The following SLCO1A2 variants were observed in gnomAD, a reference collection of about 807,000 sequenced individuals.
The protein encoded by SLCO1A2 is OATP-1.
SLCO1A2 carries 67 observed loss-of-function variants against 69.0 expected under a neutral mutation model. The observed-to-expected ratio is 0.97, with a 90% CI of 0.80 to 1.19. SLCO1A2 has a LOEUF of 1.19. SLCO1A2 is among the 50% of genes most tolerant of loss of function. The probability of loss-of-function intolerance (pLI) is 0.00; values close to 1 mark genes in which losing one functional copy is unlikely to be tolerated. For synonymous variants in SLCO1A2, 260 were observed against 265.9 expected, an observed-to-expected ratio of 0.98 and a Z score of 0.22; for missense variants, 787 against 793.7, an observed-to-expected ratio of 0.99 and a Z score of 0.10.
chr12:21,353,465 G>A (rs1438947185), intron 2 of SLCO1A2, among the ~76,000 whole-genome samples: 1 of 150,500 alleles, frequency 6.6e-6, no homozygotes, highest in East Asian at 1.9e-4. Context: ...TTTTGGGATG[G>A]TGCTCAGAAA....
At chr12:21,309,011 GAGATAATGCATTCTTGA>G (rs1949776539) in intron 4 of SLCO1A2, among the ~76,000 whole-genome samples, 1 of 152,202 alleles carries the variant, frequency 6.6e-6, no homozygotes, top group African/African-American at 2.4e-5. Flanking sequence ...TAGATGGGAA[GAGATAATGCATTCTTGA>G]AAGAATAGTA....
intron 1 of SLCO1A2, among the ~76,000 whole-genome samples, chr12:21,381,495 T>G (rs776832241): frequency 1.3e-5 from 2 of 152,044 alleles, no homozygotes; most frequent in African/African-American, 2.4e-5. Flanking sequence ...AGAATGTCCA[T>G]TATTAAAAAG....
intron 9 of SLCO1A2, 37 bp downstream of exon 9, chr12:21,297,367 G>T (rs200786761): frequency 2.6e-6 from 4 of 1,560,212 alleles, no homozygotes; most frequent in East Asian, 2.3e-5. Context: ...TCGTGGGGGG[G>T]AAAGTGTGCT....
chr12:21,407,896 C>T (rs1941848004), intron 1 of SLCO1A2, among the ~76,000 whole-genome samples: 2 of 151,654 alleles, frequency 1.3e-5, no homozygotes, highest in Admixed American at 6.6e-5. Context: ...AGAGCCAAAT[C>T]GCTACTGCAA....
chr12:21,409,457 A>G (rs143217179), intron 1 of SLCO1A2, among the ~76,000 whole-genome samples: 31 of 152,270 alleles, frequency 2.0e-4, no homozygotes, highest in African/African-American at 7.5e-4. Flanking sequence ...TTTCACAAAT[A>G]CAAGGTAGAT....
intron 2 of SLCO1A2, among the ~76,000 whole-genome samples, chr12:21,365,278 C>G (rs1486866927): frequency 6.6e-6 from 1 of 151,992 alleles, no homozygotes; most frequent in Non-Finnish European, 1.5e-5. Flanking sequence ...ACAAACCTGA[C>G]AAAAACAAGA....
At chr12:21,367,604 T>G (rs1235588105) in intron 2 of SLCO1A2, among the ~76,000 whole-genome samples, 1 of 152,010 alleles carries the variant, frequency 6.6e-6, no homozygotes, top group African/African-American at 2.4e-5. Flanking sequence ...GAGGCAAATG[T>G]TAATTAGAAG....
chr12:21,389,217 T>C (rs1252062130), intron 1 of SLCO1A2, among the ~76,000 whole-genome samples: 1 of 152,198 alleles, frequency 6.6e-6, no homozygotes, highest in Non-Finnish European at 1.5e-5. Context: ...AATTTACTTG[T>C]CAAAAATAGT....
In SLCO1A2 at chr12:21,301,257, G is replaced by T; in HGVS notation, c.602C>A (p.Thr201Lys). 1 of 1,609,806 alleles carries T rather than the reference G, an allele frequency of 6.2e-7. No individual in the cohort carries two copies. Among genetic ancestry groups the T allele is most frequent in the Non-Finnish European group, 8.5e-7 (1 of 1,177,568 alleles). ...AATCAAAGGACCAATAATAGCTCCT[G>T]TTTCTACAAGCCCTAAAAATAAATA... is the stretch of plus-strand genomic sequence containing the variant. ...NSPLYIGLVE[T>K]GAIIGPLIGL... The change falls in exon 7 of 15, where the codon ACA becomes AAA. Residue 201 changes from threonine to lysine, a missense_variant. Coordinates refer to ENST00000683939, the MANE Select transcript of SLCO1A2 (RefSeq NM_001386879.1).
At chr12:21,406,701 A>G (rs1328308616) in intron 1 of SLCO1A2, among the ~76,000 whole-genome samples, 1 of 152,166 alleles carries the variant, frequency 6.6e-6, no homozygotes, top group Non-Finnish European at 1.5e-5. Context: ...ATCATCCCCA[A>G]GATTTCACAG....
chr12:21,418,215 AGC>A (rs1942019195), upstream of SLCO1A2, among the ~76,000 whole-genome samples: 1 of 152,206 alleles, frequency 6.6e-6, no homozygotes, highest in Non-Finnish European at 1.5e-5. Context: ...TATCAATAGA[AGC>A]AGAAGAAAAT....
At chr12:21,419,224 G>A (rs1029827578), upstream of SLCO1A2, 6 of 156,268 alleles carry the variant, frequency 3.8e-5, no homozygotes, top group South Asian at 2.0e-4. Flanking sequence ...CCCCAAGATG[G>A]CCGAATAGGA....
upstream of SLCO1A2, among the ~76,000 whole-genome samples, chr12:21,397,248 A>G (rs981375027): frequency 6.6e-6 from 1 of 150,486 alleles, no homozygotes; most frequent in African/African-American, 2.4e-5. Context: ...ACAGACTTTA[A>G]ACCAACAAAG....
intron 1 of SLCO1A2, among the ~76,000 whole-genome samples, chr12:21,388,671 A>T (rs1390547548): frequency 6.6e-6 from 1 of 152,100 alleles, no homozygotes; most frequent in African/African-American, 2.4e-5. Context: ...ATACAACACT[A>T]ATTTTTAACT....
chr12:21,347,033 T>C (rs754856016), intron 2 of SLCO1A2, among the ~76,000 whole-genome samples: 3 of 151,170 alleles, frequency 2.0e-5, no homozygotes, highest in Non-Finnish European at 4.4e-5. Context: ...TTTTGTAAGA[T>C]GAAGTGTGTT....
chr12:21,355,596 T>C (rs1000069224), intron 2 of SLCO1A2, among the ~76,000 whole-genome samples: 2 of 152,280 alleles, frequency 1.3e-5, no homozygotes, highest in Admixed American at 1.3e-4. Flanking sequence ...GGAGCTAAAG[T>C]GATCCTAGAT....
At chr12:21,414,892 T>C (rs1000337040) in intron 1 of SLCO1A2, among the ~76,000 whole-genome samples, 2 of 152,126 alleles carry the variant, frequency 1.3e-5, no homozygotes, top group Non-Finnish European at 2.9e-5. Context: ...TTATTATTAT[T>C]TGATGATATA....
Position 21,275,399 on chromosome 12 carries a change from G to C in SLCO1A2, c.1636C>G (p.Leu546Val). The C allele has an allele frequency of 6.5e-7, 1 of 1,526,788 alleles. No homozygotes were observed. Among genetic ancestry groups the C allele is most frequent in the Non-Finnish European group, 8.9e-7 (1 of 1,129,896 alleles). 94.6% of individuals were successfully genotyped at this position (1,526,788 alleles called of 1,614,324 possible). ...CAAAATGTATGTAATCCCACACCAA[G>C]GGACTTCTCTTCAGATTTCATACAC... ...LRCMKSEEKS[L>V]GVGLHTFCTR... Residue 546 changes from leucine to valine, a missense_variant, in exon 13 of 15, where the codon CTT becomes GTT. Physicochemically the swap from Leu to Val is conservative, Grantham distance 32. Transcript: ENST00000683939.
rs1019746953 is a variant in SLCO1A2 at position 21,348,076 on chromosome 12, A to T, written c.-62-13367T>A. 2.0e-5 allele frequency among the ~76,000 whole-genome samples: 3 copies of T among 152,146 alleles called. No individual in the cohort carries two copies. The East Asian group carries it at 5.8e-4, about 29-fold the overall frequency. On this transcript the variant is annotated intron_variant, in intron 2 of 15. Transcript: ENST00000307378. ...CTTTCTCTTTTTCCATATTTTAGCA[A>T]TAGTGGACAATAAGGACCATTCCCT...
Sources: gnomAD v4.1 joint callset for allele counts (sites outside exome capture counted in the v4.1 genomes callset) on GRCh38, gnomAD v4.1.1 for gene constraint, MANE v1.5 for transcripts, NCBI Gene and HGNC (gene_info 2026-07-23, HGNC 2026-07-21) for gene names.